TRPC5: variants seen among roughly 807,000 people sequenced by gnomAD.
TRPC5 encodes transient receptor potential cation channel subfamily C member 5.
Under a neutral mutation model 56.5 loss-of-function variants are expected in TRPC5, and 9 were observed. The observed-to-expected ratio is 0.16, with a 90% CI of 0.10 to 0.28. The LOEUF (loss-of-function observed/expected upper bound fraction) is 0.28, where lower values mean the gene tolerates loss of function less well. Among genes scored for constraint, TRPC5 ranks in the 10% least tolerant of loss-of-function variants. The pLI, the probability that TRPC5 is intolerant of heterozygous loss-of-function variation, is 1.00. For synonymous variants in TRPC5, 282 were observed against 278.5 expected (o/e 1.01, Z -0.13); for missense variants, 469 against 748.9 (o/e 0.63, Z 4.36).
chrX:111,909,557 A>G (rs1925749721), intron 3 of TRPC5, among the ~76,000 whole-genome samples: 1 of 110,394 alleles, frequency 9.1e-6, no homozygotes, highest in Non-Finnish European at 1.9e-5. Flanking sequence ...GAAATTTTAT[A>G]TTAGGTATAT....
chrX:111,994,744 C>T (rs1476543559), intron 1 of TRPC5, among the ~76,000 whole-genome samples: 3 of 111,385 alleles, frequency 2.7e-5, no homozygotes, highest in African/African-American at 9.8e-5. Context: ...AAATTTTGCA[C>T]ACTGATTTTG....
chrX:111,880,094 T>C (rs1011313616), intron 3 of TRPC5, among the ~76,000 whole-genome samples: 3 of 111,892 alleles, frequency 2.7e-5, no homozygotes, highest in Non-Finnish European at 5.6e-5. Context: ...CTGCTTTTTT[T>C]TTTTTAACCA....
intron 1 of TRPC5, among the ~76,000 whole-genome samples, chrX:112,081,107 GCGAT>G (rs1245792259): frequency 3.6e-5 from 4 of 112,078 alleles, no homozygotes; most frequent in African/African-American, 1.3e-4. Flanking sequence ...GTACATGACT[GCGAT>G]CCAAAGAGCC....
intron 7 of TRPC5, among the ~76,000 whole-genome samples, chrX:111,832,643 C>T (rs1202268077): frequency 9.0e-6 from 1 of 111,647 alleles, no homozygotes; most frequent in African/African-American, 3.3e-5. Context: ...AACACACTCC[C>T]GTGGGATCCA....
intron 1 of TRPC5, among the ~76,000 whole-genome samples, chrX:111,963,167 G>T (rs1927438714): frequency 8.9e-6 from 1 of 112,201 alleles, no homozygotes; most frequent in South Asian, 3.7e-4. Flanking sequence ...TGGCACACCA[G>T]GAGATTATAT....
intron 1 of TRPC5, among the ~76,000 whole-genome samples, chrX:112,015,383 ATT>A (rs372246100): frequency 9.5e-6 from 1 of 105,234 alleles, no homozygotes; most frequent in Non-Finnish European, 2.0e-5. Context: ...AAGAATCTGG[ATT>A]TTTTTTTTTC....
At chrX:111,944,493 G>A (rs1397844607) in intron 2 of TRPC5, among the ~76,000 whole-genome samples, 3 of 110,676 alleles carry the variant, frequency 2.7e-5, no homozygotes, top group African/African-American at 9.9e-5. Context: ...CTCATAGAGA[G>A]TATAGTGGGT....
chrX:111,776,951 C>T lies in TRPC5; in HGVS notation c.2284G>A (p.Gly762Arg). 8.5e-7 allele frequency: 1 copy of T among 1,178,290 alleles called. No homozygotes were observed. Among genetic ancestry groups the T allele is most frequent in the Non-Finnish European group, 1.1e-6 (1 of 878,847 alleles). Residue 762 changes from glycine (G) to arginine (R), a missense_variant, in exon 11 of 11, where the codon GGA (glycine) becomes AGA (arginine). By Grantham distance (125) the Gly-to-Arg change is moderately radical. Around this residue, in one of 3 missense-constraint regions of TRPC5, gnomAD observed 194 missense variants for 221.8 expected, o/e 0.87. Coordinates refer to ENST00000262839, the MANE Select transcript of TRPC5 (RefSeq NM_012471.3). ...AAGCTCCTTGGATGTTTTCTATTTC[C>T]CAAGAGGTCAAGCACTTCATACCGA... The part of the protein sequence containing the change: ...SFRYEVLDLL[G>R]NRKHPRSFST...
At chrX:111,928,334 C>G (rs1439440984) in intron 2 of TRPC5, among the ~76,000 whole-genome samples, 1 of 111,914 alleles carries the variant, frequency 8.9e-6, no homozygotes, top group African/African-American at 3.2e-5. Flanking sequence ...ATGTTAACAT[C>G]ATTCAACTGC....
At chrX:111,834,650 G>T (rs904034497) in intron 7 of TRPC5, among the ~76,000 whole-genome samples, 2 of 111,498 alleles carry the variant, frequency 1.8e-5, no homozygotes, top group South Asian at 7.6e-4. Flanking sequence ...TTCCACTGAG[G>T]CAAGAAAATT....
At chrX:111,944,309 AG>A (rs1926874540) in intron 2 of TRPC5, among the ~76,000 whole-genome samples, 7 of 81,163 alleles carry the variant, frequency 8.6e-5, no homozygotes, top group South Asian at 5.0e-4. Flanking sequence ...TGTGTGAGAG[AG>A]AGAGAGAGAG....
At chrX:111,893,387 A>T (rs1258641823) in intron 3 of TRPC5, among the ~76,000 whole-genome samples, 1 of 111,960 alleles carries the variant, frequency 8.9e-6, no homozygotes, top group Non-Finnish European at 1.9e-5. Flanking sequence ...AGCCTCAAGG[A>T]CAAGCCTGTG....
rs3027723 is a variant in TRPC5 at position 111,847,209 on chromosome X, C to A, written c.1605G>T (p.Leu535=). Residue 535 remains leucine (L), a synonymous_variant, in exon 6 of 11, where the codon CTG becomes CTT. Transcript: ENST00000262839. ...CLVLLAFANG[L]NQLYFYYETR... ...TTTCATAATAGAAGTAAAGCTGGTT[C>A]AGTCCATTGGCAAAAGCTAGTAGTA... 2.5e-6 allele frequency: 3 copies of A among 1,211,673 alleles called. No individual in the cohort carries two copies. Among genetic ancestry groups the A allele is most frequent in the Admixed American group, 4.3e-5 (2 of 45,996 alleles).
At chrX:111,804,097 T>C (rs1428901986) in intron 7 of TRPC5, among the ~76,000 whole-genome samples, 1 of 112,458 alleles carries the variant, frequency 8.9e-6, no homozygotes, top group Non-Finnish European at 1.9e-5. Context: ...GCACCATTTA[T>C]TAAATAGGGA....
At chrX:111,863,199 G>A (rs1923454391) in intron 3 of TRPC5, among the ~76,000 whole-genome samples, 1 of 111,669 alleles carries the variant, frequency 9.0e-6, no homozygotes, top group Non-Finnish European at 1.9e-5. Context: ...TTAACATCAG[G>A]TTACTTTTTT....
Position 111,947,966 on chromosome X carries a change from G to A in TRPC5, c.378+4077C>T, listed in dbSNP as rs191667345. 1.3e-4 allele frequency among the ~76,000 whole-genome samples: 15 copies of A among 111,978 alleles called. No individual in the cohort carries two copies. The South Asian group carries it at 1.5e-3, about 11-fold the overall frequency. On this transcript the variant is annotated intron_variant, in intron 2 of 10. Transcript: ENST00000262839. Reference sequence around the variant, plus strand: ...CTCCATTTATTACAATTCTTAGTCCGTGAGTTATAATTAAGTTTATTTTCA... The same window carrying A: ...CTCCATTTATTACAATTCTTAGTCCATGAGTTATAATTAAGTTTATTTTCA...
rs747106118 is a variant in TRPC5 at position 111,798,572 on chromosome X, A to C, written c.1897-16434T>G. On this transcript the variant is annotated intron_variant, in intron 7 of 10. Transcript: ENST00000262839. ...TTACAAGAAAATGTCAAATTTCTTG[A>C]TATGTATCGTAGATTGAGGTCTGCA... Among the ~76,000 whole-genome samples the C allele has an allele frequency of 4.9e-4, 55 of 111,811 alleles. 1 individual carries two copies. Among genetic ancestry groups the C allele is most frequent in the Non-Finnish European group, 4.9e-4 (26 of 53,154 alleles).
intron 7 of TRPC5, among the ~76,000 whole-genome samples, chrX:111,805,263 T>C (rs1018717360): frequency 8.9e-6 from 1 of 112,240 alleles, no homozygotes; most frequent in Non-Finnish European, 1.9e-5. Flanking sequence ...CAGTATTTTA[T>C]TGAGGATTTT....
intron 1 of TRPC5, among the ~76,000 whole-genome samples, chrX:112,018,213 G>A (rs755841819): frequency 8.9e-6 from 1 of 112,484 alleles, no homozygotes; most frequent in Non-Finnish European, 1.9e-5. Context: ...CATGAGGGCA[G>A]AAACCTTTTC....
Sources: allele counts gnomAD v4.1 joint callset (sites outside exome capture counted in the v4.1 genomes callset), GRCh38; gene constraint gnomAD v4.1.1; regional missense constraint gnomAD v4.1.1; transcripts MANE v1.5; gene names NCBI Gene and HGNC (gene_info 2026-07-23, HGNC 2026-07-21).